CUL4A: variants seen among roughly 807,000 people sequenced by gnomAD.
CUL4A encodes cullin-4A.
Under a neutral mutation model 95.5 loss-of-function variants are expected in CUL4A, and 16 were observed. The ratio of observed to expected loss-of-function variants is 0.17; its 90% CI spans 0.11 to 0.25. The LOEUF is 0.25. CUL4A is among the 10% of genes least tolerant of loss of function. The probability of loss-of-function intolerance (pLI) is 1.00; values close to 1 mark genes in which losing one functional copy is unlikely to be tolerated. For synonymous variants in CUL4A, 380 were observed against 353.1 expected, an observed-to-expected ratio of 1.08 and a Z score of -0.85; for missense variants, 610 against 937.0, an observed-to-expected ratio of 0.65 and a Z score of 4.56.
At chr13:113,235,424 T>A (rs2041506600) in intron 8 of CUL4A, among the ~76,000 whole-genome samples, 1 of 152,246 alleles carries the variant, frequency 6.6e-6, no homozygotes, top group Admixed American at 6.5e-5. Context: ...TAATGGAGTA[T>A]CACTGAATAT....
At chr13:113,213,050 G>A (rs1415515765) in intron 2 of CUL4A, among the ~76,000 whole-genome samples, 2 of 152,020 alleles carry the variant, frequency 1.3e-5, no homozygotes, top group Non-Finnish European at 2.9e-5. Context: ...TTTGATTGAC[G>A]GTATATAGAA....
chr13:113,215,413 G>A lies in CUL4A; in HGVS notation c.265-3532G>A, dbSNP rs112866627. Among the ~76,000 whole-genome samples the A allele has an allele frequency of 3.5e-3, 516 of 148,094 alleles. 2 individuals are homozygous for A. Among genetic ancestry groups the A allele is most frequent in the Non-Finnish European group, 6.0e-3 (404 of 66,976 alleles). ...GTCGCTGTGTGACTATGGAGGTCAC[G>A]TCCCATGTGGCTGTGGAGGTCGCTG... is the stretch of plus-strand genomic sequence containing the variant. On this transcript the variant is annotated intron_variant, in intron 2 of 19. Coordinates refer to ENST00000375440, the MANE Select transcript of CUL4A (RefSeq NM_001008895.4).
chr13:113,232,838 T>C (rs1595384333), intron 5 of CUL4A, among the ~76,000 whole-genome samples: 1 of 152,086 alleles, frequency 6.6e-6, no homozygotes, highest in African/African-American at 2.4e-5. Context: ...AGGGTCGTGG[T>C]GCCCAACTGC....
At chr13:113,210,171 C>G (rs1480613672) in intron 2 of CUL4A, 83 bp downstream of exon 2, 3 of 915,662 alleles carry the variant, frequency 3.3e-6, no homozygotes, top group Non-Finnish European at 4.6e-6. Flanking sequence ...GGGTGCCTCG[C>G]AGGCTCTCGC....
At chr13:113,259,282 A>C (rs1391702836) in intron 18 of CUL4A, among the ~76,000 whole-genome samples, 1 of 152,150 alleles carries the variant, frequency 6.6e-6, no homozygotes, top group Non-Finnish European at 1.5e-5. Context: ...TCCTAATTTT[A>C]TCTCTAGTTC....
chr13:113,219,949 C>T (rs1041530729), intron 3 of CUL4A: 9 of 152,218 alleles, frequency 5.9e-5, no homozygotes, highest in Non-Finnish European at 1.3e-4. Context: ...AGTACTGTAG[C>T]TGTCCATGTG....
intron 8 of CUL4A, among the ~76,000 whole-genome samples, chr13:113,236,316 C>T (rs992538285): frequency 5.3e-5 from 8 of 152,048 alleles, no homozygotes; most frequent in East Asian, 1.9e-4. Flanking sequence ...GAGCAGCCCC[C>T]GGGAGACTGG....
At chr13:113,236,953 A>T in intron 9 of CUL4A, 63 bp downstream of exon 9, 1 of 1,134,588 alleles carries the variant, frequency 8.8e-7, no homozygotes, top group East Asian at 2.4e-5. Flanking sequence ...TTAGGAAAGT[A>T]AAGGGGGCAT....
intron 9 of CUL4A, among the ~76,000 whole-genome samples, chr13:113,238,870 A>G (rs569794155): frequency 3.3e-5 from 5 of 152,226 alleles, no homozygotes; most frequent in African/African-American, 4.8e-5. Context: ...TAAAGCAAGT[A>G]TTTAGAAAAT....
intron 12 of CUL4A, 94 bp from the exon 13 acceptor site, chr13:113,244,853 AAC>A: frequency 1.2e-6 from 1 of 817,396 alleles, no homozygotes; most frequent in Non-Finnish European, 2.0e-6. Flanking sequence ...AAAAAAAAAA[AAC>A]ACTTTTAAGG....
intron 2 of CUL4A, among the ~76,000 whole-genome samples, chr13:113,211,407 G>A (rs191249781): frequency 3.9e-5 from 6 of 152,294 alleles, no homozygotes; most frequent in African/African-American, 9.6e-5. Context: ...TCTTTGAGAC[G>A]GAGTTTCACT....
Position 113,244,423 on chromosome 13 carries a change from T to C in CUL4A, c.1242T>C (p.Asp414=), listed in dbSNP as rs770508686. The change falls in exon 12 of 20, where the codon GAT becomes GAC. Residue 414 remains aspartate, a synonymous_variant. Transcript: ENST00000375440. ...KPAELIAKHV[D]SKLRAGNKEA... ...TTATGCTCACAGCAAAGCATGTGGATTCAAAGTTAAGAGCAGGCAACAAAG... is the reference window on the plus strand; with the variant it reads ...TTATGCTCACAGCAAAGCATGTGGACTCAAAGTTAAGAGCAGGCAACAAAG... 1.1e-5 allele frequency: 17 copies of C among 1,613,128 alleles called. No individual in the cohort carries two copies. The highest frequency in any genetic ancestry group is 1.3e-5 in the African/African-American group (1 of 74,902).
chr13:113,264,147 A>T lies in CUL4A; in HGVS notation c.*565A>T, dbSNP rs1288597426. The T allele has an allele frequency of 6.6e-6, 1 of 152,202 alleles. No homozygotes were observed. Among genetic ancestry groups the T allele is most frequent in the East Asian group, 1.9e-4 (1 of 5,186 alleles). 9.4% of individuals were successfully genotyped at this position (152,202 alleles called of 1,614,324 possible). A position where few individuals can be genotyped will look rare whatever the true frequency, so the allele number is the denominator to read the frequency against. On this transcript the variant is annotated 3_prime_UTR_variant, in exon 20 of 20. Transcript: ENST00000375440. Reference sequence around the variant, plus strand: ...CCTCTCTGTTTCATGTATTTCCAAAAGTTGTAAACTTTGATGGCTGATTTT... The same window carrying T: ...CCTCTCTGTTTCATGTATTTCCAAATGTTGTAAACTTTGATGGCTGATTTT...
intron 5 of CUL4A, among the ~76,000 whole-genome samples, chr13:113,232,216 C>T (rs1351993463): frequency 7.5e-4 from 3 of 3,976 alleles, no homozygotes; most frequent in African/African-American, 1.4e-3. Flanking sequence ...ACCACCATTA[C>T]TGCTGCCACC....
intron 12 of CUL4A, 36 bp from the exon 13 acceptor site, chr13:113,244,913 C>G (rs1412428037): frequency 1.5e-6 from 2 of 1,313,200 alleles, no homozygotes; most frequent in African/African-American, 1.5e-5. Flanking sequence ...TATCAACTCT[C>G]TGATGTCTTG....
At chr13:113,245,297 C>T (rs888597743) in intron 14 of CUL4A, 60 bp downstream of exon 14, 2 of 1,451,920 alleles carry the variant, frequency 1.4e-6, no homozygotes, top group African/African-American at 1.4e-5. Context: ...TGTGGTGGCT[C>T]ATGCCTGTAA....
At chr13:113,262,055 G>A (rs2042294336) in intron 19 of CUL4A, among the ~76,000 whole-genome samples, 1 of 152,208 alleles carries the variant, frequency 6.6e-6, no homozygotes, top group Non-Finnish European at 1.5e-5. Flanking sequence ...TGGGATTACA[G>A]GCGTGAGCCA....
rs2040273351 is a variant in CUL4A, at chr13:113,209,654, C to T, written c.27C>T (p.Gly9=). 5.3e-6 allele frequency: 6 copies of T among 1,122,466 alleles called. No homozygotes were observed. The highest frequency in any genetic ancestry group is 5.0e-5 in the Admixed American group (1 of 20,006). The allele number at this position is 1,122,466 out of a possible 1,614,324, so 69.5% of individuals were successfully genotyped here. Residue 9 remains glycine (G), a synonymous_variant, in exon 1 of 20, where the codon GGC becomes GGT. Coordinates refer to ENST00000375440, the MANE Select transcript of CUL4A (RefSeq NM_001008895.4). MADEAPRK[G]SFSALVGRTN... ...TGGCGGACGAGGCCCCGCGGAAGGG[C>T]AGCTTCTCGGCGCTCGTGGGCCGCA...
At chr13:113,256,926 G>GTTGTTTTT (rs2042137847) in intron 18 of CUL4A, among the ~76,000 whole-genome samples, 2 of 47,374 alleles carry the variant, frequency 4.2e-5, no homozygotes, top group African/African-American at 1.8e-4. Context: ...TTTTTTTTTC[G>GTTGTTTTT]TTTTTTTTTT....
Sources: allele counts gnomAD v4.1 joint callset (sites outside exome capture counted in the v4.1 genomes callset), GRCh38; gene constraint gnomAD v4.1.1; transcripts MANE v1.5; gene names NCBI Gene and HGNC (gene_info 2026-07-23, HGNC 2026-07-21).